The following NTSR1 variants were observed in gnomAD, a reference collection of about 807,000 sequenced individuals.
NTSR1 encodes the protein neurotensin receptor type 1.
A neutral mutation model predicts 31.2 loss-of-function variants in NTSR1; 29 were observed. The ratio of observed to expected loss-of-function variants is 0.93; its 90% CI spans 0.69 to 1.27. The LOEUF (loss-of-function observed/expected upper bound fraction) is 1.27, where lower values mean the gene tolerates loss of function less well. NTSR1 is among the 50% of genes most tolerant of loss of function. The pLI is 0.00. For synonymous variants in NTSR1, 282 were observed against 269.9 expected (o/e 1.04, Z -0.44); for missense variants, 697 against 595.4 (o/e 1.17, Z -1.78).
chr20:62,721,498 G>A (rs565203263), intron 1 of NTSR1, among the ~76,000 whole-genome samples: 1 of 152,220 alleles, frequency 6.6e-6, no homozygotes, highest in Non-Finnish European at 1.5e-5. Context: ...TGCCGCTTTT[G>A]TCTCACTGTC....
chr20:62,727,983 G>A (rs1988937806), intron 1 of NTSR1, among the ~76,000 whole-genome samples: 1 of 152,240 alleles, frequency 6.6e-6, no homozygotes, highest in Non-Finnish European at 1.5e-5. Context: ...GACCCAGCGA[G>A]GCCTCAGGGC....
At chr20:62,723,353 G>A (rs149770897) in intron 1 of NTSR1, among the ~76,000 whole-genome samples, 44 of 152,258 alleles carry the variant, frequency 2.9e-4, no homozygotes, top group Non-Finnish European at 5.6e-4. Context: ...CGAAGCCCCC[G>A]GCTCCTGCGA....
rs560275525 is a variant in NTSR1, at chr20:62,745,134, G to A, written c.715-9551G>A. Among the ~76,000 whole-genome samples the A allele has an allele frequency of 7.9e-5, 12 of 152,298 alleles. No homozygotes were observed. The South Asian group carries it at 1.2e-3, about 16-fold the overall frequency. Reference sequence around the variant, plus strand: ...CAGCTACCCAGCCGGCTCCAGGGAGGGTGGCCCAGCCAGTTCCTGCCACCT... The same window carrying A: ...CAGCTACCCAGCCGGCTCCAGGGAGAGTGGCCCAGCCAGTTCCTGCCACCT... On this transcript the variant is annotated intron_variant, in intron 1 of 3. Transcript: ENST00000370501. This position sits in a 1 kb window ranked among gnomAD's most constrained non-coding sequence, Gnocchi z 4.1.
At chr20:62,730,031 A>G (rs933147998) in intron 1 of NTSR1, among the ~76,000 whole-genome samples, 47 of 152,280 alleles carry the variant, frequency 3.1e-4, no homozygotes, top group African/African-American at 1.1e-3. Flanking sequence ...TGTTAATAAC[A>G]GGTGTCTCCC....
In NTSR1 at chr20:62,709,806, C is replaced by T. The variant is rs982594978; in HGVS notation, c.599C>T (p.Ala200Val). ...SAIWLASALLAVPMLFTMGEQ... is the reference protein window; with the variant it reads ...SAIWLASALLVVPMLFTMGEQ... ...ATCTGGCTCGCCTCGGCCCTGCTGG[C>T]GGTGCCTATGCTGTTCACCATGGGC... The change falls in exon 1 of 4, where the codon GCG becomes GTG. Residue 200 changes from alanine to valine, a missense_variant. By Grantham distance (64) the Ala-to-Val change is moderately conservative. Coordinates refer to ENST00000370501, the MANE Select transcript of NTSR1 (RefSeq NM_002531.3). The T allele has an allele frequency of 1.9e-6, 3 of 1,612,790 alleles. No individual in the cohort carries two copies. Among genetic ancestry groups the T allele is most frequent in the Non-Finnish European group, 2.5e-6 (3 of 1,179,908 alleles).
chr20:62,754,047 G>A lies in NTSR1; in HGVS notation c.715-638G>A, dbSNP rs118136182. Among the ~76,000 whole-genome samples the A allele has an allele frequency of 3.5e-3, 534 of 152,346 alleles. 4 individuals carry two copies. Among genetic ancestry groups the A allele is most frequent in the Non-Finnish European group, 5.6e-3 (382 of 68,034 alleles). On this transcript the variant is annotated intron_variant, in intron 1 of 3. Coordinates refer to ENST00000370501, the MANE Select transcript of NTSR1 (RefSeq NM_002531.3). Reference sequence around the variant, plus strand: ...CTACCCTGTCCAGGACTCGGATCAGGTGCAGGGTAGCTATGATGACCCAGC... The same window carrying A: ...CTACCCTGTCCAGGACTCGGATCAGATGCAGGGTAGCTATGATGACCCAGC...
chr20:62,759,866 T>A lies in NTSR1; in HGVS notation c.1008-152T>A, dbSNP rs957958602. 6 of 742,288 alleles carry A rather than the reference T, an allele frequency of 8.1e-6. No individual in the cohort carries two copies. In the African/African-American group the frequency reaches 1.0e-4, roughly 13 times the overall value. 46.0% of individuals were successfully genotyped at this position (742,288 alleles called of 1,614,324 possible). On this transcript the variant is annotated intron_variant, in intron 3 of 3. Coordinates refer to ENST00000370501, the MANE Select transcript of NTSR1 (RefSeq NM_002531.3). Reference sequence around the variant, plus strand: ...AGGAGAAGCCAGACCCTGGAGCTTGTTATGAAATGTCCCCAAACAACCATT... The same window carrying A: ...AGGAGAAGCCAGACCCTGGAGCTTGATATGAAATGTCCCCAAACAACCATT...
chr20:62,748,820 G>A (rs1477100033), intron 1 of NTSR1, among the ~76,000 whole-genome samples: 2 of 152,118 alleles, frequency 1.3e-5, no homozygotes, highest in Non-Finnish European at 2.9e-5. Context: ...AATCACACAA[G>A]GGGAGCTGGT....
intron 1 of NTSR1, among the ~76,000 whole-genome samples, chr20:62,749,465 A>C (rs1989357095): frequency 6.6e-6 from 1 of 152,208 alleles, no homozygotes; most frequent in Non-Finnish European, 1.5e-5. Context: ...GCTTCTTGAC[A>C]TTGGTCTTGG....
At chr20:62,740,147 C>T (rs115217886) in intron 1 of NTSR1, among the ~76,000 whole-genome samples, 284 of 152,358 alleles carry the variant, frequency 1.9e-3, no homozygotes, top group African/African-American at 6.7e-3. Flanking sequence ...TTCAAGGAAC[C>T]GGGCTCCAAA....
intron 1 of NTSR1, among the ~76,000 whole-genome samples, chr20:62,752,979 G>C (rs1989419454): frequency 6.6e-6 from 1 of 152,134 alleles, no homozygotes; most frequent in African/African-American, 2.4e-5. Context: ...CAGCGGTGGT[G>C]GTGGCTCTCA....
rs1344830227 is a variant in NTSR1 at position 62,709,081 on chromosome 20, C to G, written c.-127C>G. On this transcript the variant is annotated 5_prime_UTR_variant, in exon 1 of 4. Transcript: ENST00000370501. ...GCGCTTCCCGACTGGACGGCGCGCCCGCTGGTCTTCGCCACGCGCCCTCCC... is the reference window on the plus strand; with the variant it reads ...GCGCTTCCCGACTGGACGGCGCGCCGGCTGGTCTTCGCCACGCGCCCTCCC... 1.3e-6 allele frequency: 1 copy of G among 741,864 alleles called. No homozygotes were observed. The highest frequency in any genetic ancestry group is 2.0e-6 in the Non-Finnish European group (1 of 511,674). The allele number at this position is 741,864 out of a possible 1,614,324, so 46.0% of individuals were successfully genotyped here.
At position 62,761,366 on chromosome 20, in the gene NTSR1, G is replaced by A. The variant is rs1989619334; in HGVS notation, c.*1099G>A. On this transcript the variant is annotated 3_prime_UTR_variant, in exon 4 of 4. Coordinates refer to ENST00000370501, the MANE Select transcript of NTSR1 (RefSeq NM_002531.3). ...CACCGCTGGCCGGCAGCCCTGGGCT[G>A]AGGCACAGACTCATTTGTCACCTTC... 1 of 152,254 alleles carries A rather than the reference G, an allele frequency of 6.6e-6. No homozygotes were observed. Among genetic ancestry groups the A allele is most frequent in the Non-Finnish European group, 1.5e-5 (1 of 68,082 alleles). 9.4% of individuals were successfully genotyped at this position (152,254 alleles called of 1,614,324 possible).
chr20:62,749,271 C>G (rs1447134160), intron 1 of NTSR1, among the ~76,000 whole-genome samples: 1 of 152,164 alleles, frequency 6.6e-6, no homozygotes, highest in Non-Finnish European at 1.5e-5. Flanking sequence ...GAAACCCCGT[C>G]TCTACTAAAA....
intron 1 of NTSR1, among the ~76,000 whole-genome samples, chr20:62,738,051 T>TCTGCCCAC (rs1361059827): frequency 2.3e-4 from 35 of 152,338 alleles, no homozygotes; most frequent in Non-Finnish European, 2.5e-4. Flanking sequence ...GCAGTGCCCA[T>TCTGCCCAC]CTGCCCACGT....
chr20:62,754,698 T>C lies in NTSR1; in HGVS notation c.728T>C (p.Met243Thr), dbSNP rs1377156933. 1 of 1,612,512 alleles carries C rather than the reference T, an allele frequency of 6.2e-7. No homozygotes were observed. Among genetic ancestry groups the C allele is most frequent in the Non-Finnish European group, 8.5e-7 (1 of 1,179,696 alleles). The change falls in exon 2 of 4, where the codon ATG becomes ACG. Residue 243 changes from methionine to threonine, a missense_variant. By Grantham distance (81) the Met-to-Thr change is moderately conservative (BLOSUM62 -1). Coordinates refer to ENST00000370501, the MANE Select transcript of NTSR1 (RefSeq NM_002531.3). ...VKVVIQVNTF[M>T]SFIFPMVVIS... Reference sequence around the variant, plus strand: ...CCTCTCCTGCAGGTCAACACCTTCATGTCCTTCATATTCCCCATGGTGGTC... The same window carrying C: ...CCTCTCCTGCAGGTCAACACCTTCACGTCCTTCATATTCCCCATGGTGGTC...
intron 1 of NTSR1, among the ~76,000 whole-genome samples, chr20:62,719,904 G>T (rs1988803719): frequency 6.6e-6 from 1 of 152,208 alleles, no homozygotes; most frequent in Non-Finnish European, 1.5e-5. Flanking sequence ...TCTGTCAGAG[G>T]TTGTGTAGAA....
intron 1 of NTSR1, among the ~76,000 whole-genome samples, chr20:62,749,924 A>G (rs1191673917): frequency 6.6e-6 from 1 of 152,228 alleles, no homozygotes; most frequent in Non-Finnish European, 1.5e-5. Flanking sequence ...GAACCACCGT[A>G]GGATCCAGCA....
intron 1 of NTSR1, among the ~76,000 whole-genome samples, chr20:62,710,634 G>A (rs1188143375): frequency 6.6e-6 from 1 of 152,204 alleles, no homozygotes; most frequent in African/African-American, 2.4e-5. Context: ...GGAGCCGAGT[G>A]ACTAAGGGCC....
Sources: allele counts gnomAD v4.1 joint callset (sites outside exome capture counted in the v4.1 genomes callset), GRCh38; gene constraint gnomAD v4.1.1; non-coding constraint Gnocchi (gnomAD v3.1); transcripts MANE v1.5; gene names NCBI Gene and HGNC (gene_info 2026-07-23, HGNC 2026-07-21).